Variants in CCSER1 observed in about 807,000 individuals in gnomAD.
CCSER1 encodes the protein serine-rich coiled-coil domain-containing protein 1.
Under a neutral mutation model 82.0 loss-of-function variants are expected in CCSER1, and 41 were observed. The ratio of observed to expected loss-of-function variants is 0.50; its 90% CI spans 0.39 to 0.65. The LOEUF is 0.65. CCSER1 is among the 30% of genes least tolerant of loss of function. CCSER1 has a pLI of 0.00. For missense variants in CCSER1, 1,119 were observed against 1,064.2 expected (o/e 1.05, Z -0.72); for synonymous variants, 414 against 383.9 (o/e 1.08, Z -0.92).
At chr4:90,151,550 T>C (rs6834950) in intron 1 of CCSER1, among the ~76,000 whole-genome samples, 42,869 of 151,892 alleles carry the variant, frequency 0.28, 7,647 homozygotes, top group East Asian at 0.65. Flanking sequence ...TACACCCTTT[T>C]TCTTAATGCT....
At chr4:91,229,602 T>G (rs1367989845) in intron 10 of CCSER1, among the ~76,000 whole-genome samples, 1 of 152,036 alleles carries the variant, frequency 6.6e-6, no homozygotes, top group Non-Finnish European at 1.5e-5. Context: ...CCATCAATGA[T>G]AGACTAGATA....
intron 1 of CCSER1, among the ~76,000 whole-genome samples, chr4:90,152,816 G>A (rs1056200094): frequency 6.6e-6 from 1 of 151,896 alleles, no homozygotes; most frequent in Non-Finnish European, 1.5e-5. Context: ...CTTTTGAGCA[G>A]TAGACCAGCA....
chr4:91,073,408 G>C (rs1721637369), intron 9 of CCSER1, among the ~76,000 whole-genome samples: 1 of 152,098 alleles, frequency 6.6e-6, no homozygotes, highest in Non-Finnish European at 1.5e-5. Flanking sequence ...GTGTAAGAAT[G>C]AATTAGTGCA....
chr4:90,885,914 T>C (rs1394564093), intron 8 of CCSER1, among the ~76,000 whole-genome samples: 1 of 152,184 alleles, frequency 6.6e-6, no homozygotes, highest in East Asian at 1.9e-4. Flanking sequence ...TTGCTCATTT[T>C]TTTTCTCAAT....
chr4:91,581,739 G>A (rs775683629), intron 10 of CCSER1, among the ~76,000 whole-genome samples: 1 of 151,562 alleles, frequency 6.6e-6, no homozygotes, highest in African/African-American at 2.4e-5. Context: ...ATTTACTGCA[G>A]AGTTTCTCAA....
At chr4:90,822,798 A>G in intron 8 of CCSER1, among the ~76,000 whole-genome samples, 1 of 152,034 alleles carries the variant, frequency 6.6e-6, no homozygotes, top group East Asian at 1.9e-4. Context: ...AAAACAAAAT[A>G]GATTTTCTGA....
At chr4:90,778,809 T>A (rs1037183163) in intron 7 of CCSER1, among the ~76,000 whole-genome samples, 7 of 152,232 alleles carry the variant, frequency 4.6e-5, no homozygotes, top group South Asian at 2.1e-4. Flanking sequence ...AACTCTAACA[T>A]TAAACCATAT....
intron 6 of CCSER1, among the ~76,000 whole-genome samples, chr4:90,673,626 A>G (rs1308763396): frequency 6.6e-6 from 1 of 151,986 alleles, no homozygotes; most frequent in Non-Finnish European, 1.5e-5. Context: ...ATACTCTCCC[A>G]ACCTAGAAAT....
intron 9 of CCSER1, among the ~76,000 whole-genome samples, chr4:90,952,313 C>T (rs11730640): frequency 0.028 from 4,324 of 151,920 alleles, 171 homozygotes; most frequent in African/African-American, 0.088. Context: ...CATTTTTGCC[C>T]CCCAGTGAAC....
chr4:91,094,413 A>G (rs1258909451), intron 10 of CCSER1, among the ~76,000 whole-genome samples: 1 of 152,110 alleles, frequency 6.6e-6, no homozygotes, highest in African/African-American at 2.4e-5. Context: ...GCTGGCAGCA[A>G]TCCTAACAGT....
rs865803409 is a variant in CCSER1, at chr4:90,412,462, T to C, written c.1603+12333T>C. 2.2e-4 allele frequency among the ~76,000 whole-genome samples: 32 copies of C among 147,018 alleles called. 1 individual carries two copies. On this transcript the variant is annotated intron_variant, in intron 4 of 10. Coordinates refer to ENST00000509176, the MANE Select transcript of CCSER1 (RefSeq NM_001145065.2). ...CATGTGTACCCTAAAACTTAAAGTA[T>C]AATAATAATAAAAAAAAGAATTTTG...
At chr4:91,149,839 T>A (rs1231915898) in intron 10 of CCSER1, among the ~76,000 whole-genome samples, 3 of 152,168 alleles carry the variant, frequency 2.0e-5, no homozygotes, top group South Asian at 2.1e-4. Context: ...TTGGTCTATA[T>A]CTCTGTTTTG....
chr4:90,516,551 C>T (rs969973354), intron 5 of CCSER1, among the ~76,000 whole-genome samples: 2 of 152,244 alleles, frequency 1.3e-5, no homozygotes, highest in East Asian at 3.9e-4. Context: ...TAGAGCAAAT[C>T]CAAATAAAGG....
chr4:91,473,956 T>C (rs781653748), intron 10 of CCSER1, among the ~76,000 whole-genome samples: 1 of 152,094 alleles, frequency 6.6e-6, no homozygotes, highest in Non-Finnish European at 1.5e-5. Context: ...TCAAATTAAC[T>C]TCCCGAATCA....
intron 9 of CCSER1, among the ~76,000 whole-genome samples, chr4:91,081,620 A>G (rs898440798): frequency 6.6e-6 from 1 of 152,138 alleles, no homozygotes; most frequent in East Asian, 1.9e-4. Context: ...AGGAAGTCAA[A>G]TTGTCCCTGT....
At chr4:91,533,029 T>C (rs973051184) in intron 10 of CCSER1, among the ~76,000 whole-genome samples, 1 of 152,170 alleles carries the variant, frequency 6.6e-6, no homozygotes. Context: ...GAAGCATTGT[T>C]ATCTACCTAT....
At chr4:91,477,872 C>A (rs1213840894) in intron 10 of CCSER1, among the ~76,000 whole-genome samples, 1 of 151,672 alleles carries the variant, frequency 6.6e-6, no homozygotes, top group African/African-American at 2.4e-5. Flanking sequence ...ATAAAGATAT[C>A]TTTGAGCTAG....
intron 6 of CCSER1, among the ~76,000 whole-genome samples, chr4:90,704,108 G>A (rs1401823147): frequency 6.6e-6 from 1 of 152,160 alleles, no homozygotes; most frequent in Non-Finnish European, 1.5e-5. Context: ...GCAGTGGCTG[G>A]TACCGGTTGT....
intron 1 of CCSER1, among the ~76,000 whole-genome samples, chr4:90,192,914 A>C (rs1735922327): frequency 6.6e-6 from 1 of 152,062 alleles, no homozygotes; most frequent in Non-Finnish European, 1.5e-5. Context: ...TAAAAACAGG[A>C]ACAAAAAACA....
Sources: allele counts gnomAD v4.1 joint callset (sites outside exome capture counted in the v4.1 genomes callset), GRCh38; gene constraint gnomAD v4.1.1; transcripts MANE v1.5; gene names NCBI Gene and HGNC (gene_info 2026-07-23, HGNC 2026-07-21).